The following COL4A6 variants were observed in gnomAD, a reference collection of about 807,000 sequenced individuals.
The protein encoded by COL4A6 is collagen type IV alpha 6 chain, also known as collagen alpha-6(IV) chain.
In COL4A6, 59 loss-of-function variants were observed where a neutral mutation model predicts 126.7. The observed-to-expected ratio is 0.47, with a 90% CI of 0.38 to 0.58. COL4A6 has a LOEUF of 0.58. COL4A6 is among the 20% of genes least tolerant of loss of function. COL4A6 has a pLI of 0.00. For missense variants in COL4A6, 1,285 were observed against 1,337.3 expected, an observed-to-expected ratio of 0.96 and a Z score of 0.61; for synonymous variants, 547 against 496.6, an observed-to-expected ratio of 1.10 and a Z score of -1.35.
intron 2 of COL4A6, among the ~76,000 whole-genome samples, chrX:108,330,460 G>A (rs746059295): frequency 1.4e-4 from 16 of 111,351 alleles, no homozygotes; most frequent in African/African-American, 4.6e-4. Flanking sequence ...TGCATCCTTG[G>A]GAATAAGTGG....
intron 3 of COL4A6, among the ~76,000 whole-genome samples, chrX:108,298,180 G>T (rs918203531): frequency 3.6e-5 from 4 of 111,507 alleles, no homozygotes; most frequent in Admixed American, 2.8e-4. Flanking sequence ...ACTTTTGTTG[G>T]GGGGAATGAG....
chrX:108,172,759 A>T (rs1042311943), intron 31 of COL4A6, among the ~76,000 whole-genome samples: 5 of 111,885 alleles, frequency 4.5e-5, no homozygotes, highest in Non-Finnish European at 9.4e-5. Context: ...ATTCGATTCC[A>T]CTGCTTATCA....
intron 2 of COL4A6, among the ~76,000 whole-genome samples, chrX:108,346,621 G>A (rs767052922): frequency 2.4e-4 from 27 of 112,258 alleles, no homozygotes; most frequent in African/African-American, 7.1e-4. Flanking sequence ...TAAGTGAAAT[G>A]ATGTATAATG....
chrX:108,303,601 G>A (rs2038552817), intron 3 of COL4A6, among the ~76,000 whole-genome samples: 1 of 111,974 alleles, frequency 8.9e-6, no homozygotes, highest in Admixed American at 9.4e-5. Flanking sequence ...TGCAAGGACA[G>A]GGCAATGCTT....
chrX:108,200,909 A>G (rs2035371723), intron 13 of COL4A6, among the ~76,000 whole-genome samples: 1 of 112,061 alleles, frequency 8.9e-6, no homozygotes, highest in African/African-American at 3.2e-5. Context: ...AAAAGTATAA[A>G]TATGACCATT....
intron 33 of COL4A6, 58 bp from the exon 34 acceptor site, chrX:108,170,975 C>T: frequency 9.8e-7 from 1 of 1,015,376 alleles, no homozygotes; most frequent in Non-Finnish European, 1.4e-6. Context: ...GTGTATTCCT[C>T]TATGGGAAAG....
chrX:108,294,593 T>C (rs987691137), intron 3 of COL4A6, among the ~76,000 whole-genome samples: 2 of 110,803 alleles, frequency 1.8e-5, no homozygotes, highest in African/African-American at 6.6e-5. Flanking sequence ...AAATAGACCA[T>C]GGCACAAATA....
intron 2 of COL4A6, among the ~76,000 whole-genome samples, chrX:108,358,332 G>C (rs1272456907): frequency 2.7e-5 from 3 of 110,965 alleles, no homozygotes; most frequent in Non-Finnish European, 5.7e-5. Context: ...TTGAGGACTA[G>C]TATGGCTCTA....
chrX:108,383,478 C>A, intron 2 of COL4A6: 1 of 449,995 alleles, frequency 2.2e-6, no homozygotes, highest in East Asian at 4.1e-5. Flanking sequence ...TAGGTTACCC[C>A]AGAAGCCTGA....
At chrX:108,343,965 T>C (rs2039651051) in intron 2 of COL4A6, among the ~76,000 whole-genome samples, 1 of 111,404 alleles carries the variant, frequency 9.0e-6, no homozygotes, top group Admixed American at 9.5e-5. Context: ...TTAACTATTA[T>C]CAAGTGGTAG....
At chrX:108,322,390 G>A (rs1204769703) in intron 2 of COL4A6, among the ~76,000 whole-genome samples, 2 of 111,973 alleles carry the variant, frequency 1.8e-5, no homozygotes, top group Non-Finnish European at 3.8e-5. Flanking sequence ...TAAGGAAGAA[G>A]CTGACACCAG....
In COL4A6 at chrX:108,162,900, C is replaced by A; in HGVS notation, c.4208G>T (p.Gly1403Val). 1 of 1,180,545 alleles carries A rather than the reference C, an allele frequency of 8.5e-7. No individual in the cohort carries two copies. The highest frequency in any genetic ancestry group is 1.1e-6 in the Non-Finnish European group (1 of 882,685). ...TCTGGCACCCTCCTCACCTTGTAGG[C>A]CTACAGGGCCTTGAGCCCCAGGGTC... ...TGDPGAQGPV[G>V]LQGSKGLPGI... The change falls in exon 41 of 45, where the codon GGC becomes GTC. Residue 1403 changes from glycine to valine, a missense_variant. By Grantham distance (109) the Gly-to-Val change is moderately radical (BLOSUM62 -3). Transcript: ENST00000334504.
intron 2 of COL4A6, among the ~76,000 whole-genome samples, chrX:108,316,368 G>A (rs1379705258): frequency 1.8e-5 from 2 of 111,854 alleles, no homozygotes; most frequent in Non-Finnish European, 3.8e-5. Flanking sequence ...AATTTAGAGG[G>A]AAGACAAACA....
At chrX:108,162,789 C>G (rs972283231) in intron 41 of COL4A6, 103 bp downstream of exon 41, 1 of 901,456 alleles carries the variant, frequency 1.1e-6, no homozygotes, top group Non-Finnish European at 1.5e-6. Flanking sequence ...AGAGAGGCAA[C>G]GCTTGATGAA....
At position 108,169,992 on chromosome X, in the gene COL4A6, T is replaced by C. The variant is rs764224670; in HGVS notation, c.3518A>G (p.His1173Arg). The change falls in exon 36 of 45, where the codon CAT (histidine) becomes CGT (arginine). Residue 1173 changes from histidine (H) to arginine (R), a missense_variant. Physicochemically the swap from His to Arg is conservative, Grantham distance 29. Transcript: ENST00000334504. ...GGTGCCCGGAAGCCCATTCAGTCCA[T>C]GTAAACCAGGAAATCCAGGGAAGCC... ...PKGFPGFPGL[H>R]GLNGLPGTKG... The C allele has an allele frequency of 2.4e-5, 29 of 1,188,509 alleles. No homozygotes were observed. The highest frequency in any genetic ancestry group is 3.1e-5 in the Non-Finnish European group (27 of 882,874).
At chrX:108,384,508 A>G (rs2148145809) in intron 2 of COL4A6, among the ~76,000 whole-genome samples, 2 of 112,189 alleles carry the variant, frequency 1.8e-5, no homozygotes, top group South Asian at 3.7e-4. Flanking sequence ...GTTTACGTGC[A>G]GTTACTAATG....
chrX:108,336,727 T>A (rs2039440037), intron 2 of COL4A6, among the ~76,000 whole-genome samples: 1 of 111,613 alleles, frequency 9.0e-6, no homozygotes, highest in Admixed American at 9.5e-5. Flanking sequence ...TGCCTAACTA[T>A]GGGTTTTGCT....
chrX:108,405,706 C>T (rs2041191879), intron 2 of COL4A6, among the ~76,000 whole-genome samples: 1 of 111,183 alleles, frequency 9.0e-6, no homozygotes, highest in Non-Finnish European at 1.9e-5. Context: ...ATTCCCATAT[C>T]TATATCTGGG....
Position 108,160,804 on chromosome X carries a change from C to T in COL4A6, c.4334-150G>A, listed in dbSNP as rs2033907781. The T allele has an allele frequency of 1.9e-5, 9 of 475,448 alleles. No homozygotes were observed. The Admixed American group carries it at 4.7e-4, about 25-fold the overall frequency. 39.2% of individuals were successfully genotyped at this position (475,448 alleles called of 1,213,427 possible). A position where few individuals can be genotyped will look rare whatever the true frequency, so the allele number is the denominator to read the frequency against. ...TGACCCTGGAAAATGGTATTACCAC[C>T]CCAATTTTTAGATGAAGAAATTGAG... On this transcript the variant is annotated intron_variant, in intron 42 of 44. Coordinates refer to ENST00000334504, the MANE Select transcript of COL4A6 (RefSeq NM_033641.4).
Sources: allele counts gnomAD v4.1 joint callset (sites outside exome capture counted in the v4.1 genomes callset), GRCh38; gene constraint gnomAD v4.1.1; transcripts MANE v1.5; gene names NCBI Gene and HGNC (gene_info 2026-07-23, HGNC 2026-07-21).